The following SORCS2 variants were observed in gnomAD, a reference collection of about 807,000 sequenced individuals.
SORCS2 encodes VPS10 domain-containing receptor SorCS2.
Under a neutral mutation model 141.6 loss-of-function variants are expected in SORCS2, and 100 were observed. The ratio of observed to expected loss-of-function variants is 0.71; its 90% confidence interval spans 0.60 to 0.83. The LOEUF (loss-of-function observed/expected upper bound fraction) is 0.83, where lower values mean the gene tolerates loss of function less well. Ranked by LOEUF, SORCS2 falls within the 40% of genes least tolerant of loss-of-function variation. The pLI is 0.00. For missense variants in SORCS2, 1,646 were observed against 1,560.2 expected (o/e 1.05, Z -0.93); for synonymous variants, 789 against 676.9 (o/e 1.17, Z -2.57).
At chr4:7,204,497 C>A (rs1042026918) in intron 1 of SORCS2, among the ~76,000 whole-genome samples, 3 of 152,152 alleles carry the variant, frequency 2.0e-5, no homozygotes, top group Non-Finnish European at 2.9e-5. Flanking sequence ...AGATTGTAGG[C>A]GTGAGCCACC....
intron 2 of SORCS2, among the ~76,000 whole-genome samples, chr4:7,497,650 A>G (rs4689765): frequency 0.83 from 126,594 of 152,332 alleles, 54,377 homozygotes; most frequent in South Asian, 0.97. Flanking sequence ...GGTCCTGCAC[A>G]AGGAACCACA....
At chr4:7,674,165 T>C (rs1722959826) in intron 8 of SORCS2, among the ~76,000 whole-genome samples, 1 of 151,828 alleles carries the variant, frequency 6.6e-6, no homozygotes, top group African/African-American at 2.4e-5. Flanking sequence ...CATCCTTCCC[T>C]GGTTCTGTGT....
At chr4:7,718,834 C>T (rs542334109) in intron 18 of SORCS2, among the ~76,000 whole-genome samples, 91 of 152,274 alleles carry the variant, frequency 6.0e-4, no homozygotes, top group African/African-American at 2.1e-3. Flanking sequence ...TCTCAAAAAG[C>T]CCCCCAGTCC....
intron 1 of SORCS2, among the ~76,000 whole-genome samples, chr4:7,391,959 C>A (rs538299864): frequency 4.6e-5 from 7 of 152,338 alleles, no homozygotes; most frequent in African/African-American, 1.7e-4. Context: ...CTCGCAGAAG[C>A]TAGAGGAGTG....
intron 4 of SORCS2, among the ~76,000 whole-genome samples, chr4:7,647,194 A>C (rs569522595): frequency 1.4e-4 from 22 of 152,070 alleles, no homozygotes; most frequent in Non-Finnish European, 3.2e-4. Context: ...GAGCTTGGGG[A>C]ACCGTGGGAG....
At chr4:7,716,278 A>G (rs987108059) in intron 17 of SORCS2, among the ~76,000 whole-genome samples, 1 of 152,146 alleles carries the variant, frequency 6.6e-6, no homozygotes, top group African/African-American at 2.4e-5. Context: ...AGGACCAGAA[A>G]TTGCAGGCTT....
At chr4:7,255,042 AGAGT>A (rs1420278035) in intron 1 of SORCS2, among the ~76,000 whole-genome samples, 7 of 152,042 alleles carry the variant, frequency 4.6e-5, no homozygotes, top group African/African-American at 1.2e-4. Context: ...TGAGTGTGTG[AGAGT>A]GAGTGTGTGA....
intron 4 of SORCS2, among the ~76,000 whole-genome samples, chr4:7,645,798 G>T (rs1007080655): frequency 1.3e-5 from 2 of 152,194 alleles, no homozygotes; most frequent in Non-Finnish European, 2.9e-5. Flanking sequence ...TACCATAGCT[G>T]TGTGCCAGTG....
intron 3 of SORCS2, among the ~76,000 whole-genome samples, chr4:7,597,536 G>C (rs545076356): frequency 1.2e-3 from 186 of 150,042 alleles, no homozygotes; most frequent in Middle Eastern, 0.01. Context: ...ATGGCGGGGG[G>C]CTATTGCAAT....
intron 1 of SORCS2, among the ~76,000 whole-genome samples, chr4:7,393,899 G>T (rs1724028511): frequency 6.6e-6 from 1 of 152,158 alleles, no homozygotes; most frequent in South Asian, 2.1e-4. Flanking sequence ...GAACCCGGGT[G>T]GTCTGACCTC....
intron 1 of SORCS2, among the ~76,000 whole-genome samples, chr4:7,260,085 AAT>A (rs1714216219): frequency 6.6e-6 from 1 of 152,208 alleles, no homozygotes; most frequent in African/African-American, 2.4e-5. Flanking sequence ...AGAAAGGCAG[AAT>A]AGAGACACCT....
rs201733681 is a variant in SORCS2 at position 7,672,466 on chromosome 4, CCT to C, written c.1162-3581_1162-3580del. Among the ~76,000 whole-genome samples, 1,412 of 152,234 alleles carry C rather than the reference CCT, an allele frequency of 9.3e-3. 12 individuals carry two copies. Among genetic ancestry groups the C allele is most frequent in the South Asian group, 0.029 (138 of 4,830 alleles). ...TATATAAACATCTATGAAGAAATTT[CCT>C]CTGTCATGTCTATTAAAAATGTTTT... is the stretch of plus-strand genomic sequence containing the variant. On this transcript the variant is annotated intron_variant, in intron 8 of 26. Coordinates refer to ENST00000507866, the MANE Select transcript of SORCS2 (RefSeq NM_020777.3).
chr4:7,562,831 G>A (rs1714697619), intron 3 of SORCS2, among the ~76,000 whole-genome samples: 1 of 152,094 alleles, frequency 6.6e-6, no homozygotes, highest in Non-Finnish European at 1.5e-5. Flanking sequence ...CTGCCTTTTT[G>A]TATGGACTTC....
rs565610338 is a variant in SORCS2, at chr4:7,289,079, G to A, written c.480+95953G>A. 2.0e-5 allele frequency among the ~76,000 whole-genome samples: 3 copies of A among 152,286 alleles called. No individual in the cohort carries two copies. In the East Asian group the frequency reaches 5.8e-4, roughly 29 times the overall value. ...TTGGCACTAGATTTTGGCAGAGCTA[G>A]CAATGGAAAACACCTGTTCAGTTCA... On this transcript the variant is annotated intron_variant, in intron 1 of 26. Coordinates refer to ENST00000507866, the MANE Select transcript of SORCS2 (RefSeq NM_020777.3).
At chr4:7,266,351 C>T (rs1300253617) in intron 1 of SORCS2, among the ~76,000 whole-genome samples, 7 of 152,176 alleles carry the variant, frequency 4.6e-5, no homozygotes, top group East Asian at 1.9e-4. Flanking sequence ...TGGCTTGTTT[C>T]GGGAGCAGCT....
chr4:7,366,768 C>A (rs3864204), intron 1 of SORCS2, among the ~76,000 whole-genome samples: 1 of 151,974 alleles, frequency 6.6e-6, no homozygotes, highest in African/African-American at 2.4e-5. Flanking sequence ...GTCTACCCCC[C>A]CAACCCCCAA....
intron 2 of SORCS2, among the ~76,000 whole-genome samples, chr4:7,464,454 C>T (rs944842366): frequency 1.3e-5 from 2 of 152,008 alleles, no homozygotes; most frequent in African/African-American, 2.4e-5. Flanking sequence ...CTGGTGGGAG[C>T]GGTGGTTGGC....
chr4:7,395,298 C>T (rs371388337), intron 1 of SORCS2, among the ~76,000 whole-genome samples: 3 of 152,196 alleles, frequency 2.0e-5, no homozygotes, highest in South Asian at 4.1e-4. Context: ...GGAGCCCGAC[C>T]GTTGGGGATG....
At chr4:7,261,411 C>T (rs1053073122) in intron 1 of SORCS2, among the ~76,000 whole-genome samples, 1 of 152,336 alleles carries the variant, frequency 6.6e-6, no homozygotes, top group Non-Finnish European at 1.5e-5. Flanking sequence ...TGCTGTTTGT[C>T]TGCCATGCCT....
Sources: gnomAD v4.1 joint callset for allele counts (sites outside exome capture counted in the v4.1 genomes callset) on GRCh38, gnomAD v4.1.1 for gene constraint, MANE v1.5 for transcripts, NCBI Gene and HGNC (gene_info 2026-07-23, HGNC 2026-07-21) for gene names.